Variants in TDP1 observed in about 807,000 individuals in gnomAD.
TDP1 encodes the protein tyrosyl-DNA phosphodiesterase 1, also known as tyr-DNA phosphodiesterase 1.
A neutral mutation model predicts 81.5 loss-of-function variants in TDP1; 64 were observed. The ratio of observed to expected loss-of-function variants is 0.79; its 90% CI spans 0.64 to 0.97. The LOEUF is 0.97. TDP1 is among the 50% of genes least tolerant of loss of function. TDP1 has a pLI of 0.00. For missense variants in TDP1, 723 were observed against 743.8 expected (o/e 0.97, Z 0.33); for synonymous variants, 256 against 264.3 (o/e 0.97, Z 0.30).
intron 10 of TDP1, chr14:89,988,657 A>C (rs1186926599): frequency 1.0e-6 from 1 of 980,886 alleles, no homozygotes; most frequent in East Asian, 1.1e-4. Flanking sequence ...TTTTGCTTTT[A>C]GTACAAATCA....
Position 90,043,072 on chromosome 14 carries a change from C to T in TDP1, c.1756C>T (p.Arg586Trp), listed in dbSNP as rs751645810. The T allele has an allele frequency of 4.2e-5, 68 of 1,614,044 alleles. No homozygotes were observed. The South Asian group carries it at 5.6e-4, about 13-fold the overall frequency. Residue 586 changes from arginine (R) to tryptophan (W), a missense_variant and splice_region_variant, in exon 17 of 17, where the codon CGG (arginine) becomes TGG (tryptophan). Arg to Trp is a moderately radical substitution (Grantham distance 101). Transcript: ENST00000335725. ...LPPELYGSKDRPWIWNIPYVK... is the reference protein window; with the variant it reads ...LPPELYGSKDWPWIWNIPYVK... ...TACGTAATGTGTTTTTCCCCCAGAT[C>T]GGCCATGGATATGGAACATTCCTTA...
Position 89,989,108 on chromosome 14 carries a change from T to C in TDP1, c.1317+18T>C, listed in dbSNP as rs200773983. On this transcript the variant is annotated intron_variant, in intron 11 of 16. Coordinates refer to ENST00000335725, the MANE Select transcript of TDP1 (RefSeq NM_018319.4). ...TTTACTTGGTGAGTTCTCGTCCTCA[T>C]TGAGGTAGTTTACTTTTATTCTCTA... The C allele has an allele frequency of 1.2e-6, 2 of 1,610,130 alleles. No homozygotes were observed. Among genetic ancestry groups the C allele is most frequent in the Admixed American group, 1.7e-5 (1 of 60,008 alleles).
rs1324935015 is a variant in TDP1 at position 89,956,689 on chromosome 14, G to A, written c.-119G>A. 1 of 152,250 alleles carries A rather than the reference G, an allele frequency of 6.6e-6. No individual in the cohort carries two copies. The highest frequency in any genetic ancestry group is 2.4e-5 in the African/African-American group (1 of 41,442). 9.4% of individuals were successfully genotyped at this position (152,250 alleles called of 1,614,324 possible). A position where few individuals can be genotyped will look rare whatever the true frequency, so the allele number is the denominator to read the frequency against. ...GAGGCGGCTGAATCACTTGAGGTTA[G>A]GAGTTTGAGATCAGCCCGGGCAACA... On this transcript the variant is annotated 5_prime_UTR_variant, in exon 2 of 17. Coordinates refer to ENST00000335725, the MANE Select transcript of TDP1 (RefSeq NM_018319.4).
chr14:90,021,896 G>C (rs1886132693), intron 15 of TDP1, among the ~76,000 whole-genome samples: 1 of 151,954 alleles, frequency 6.6e-6, no homozygotes, highest in Admixed American at 6.5e-5. Flanking sequence ...AAAAAACAGA[G>C]CCTGGAACAG....
chr14:90,007,473 C>T (rs1177676840), intron 14 of TDP1, among the ~76,000 whole-genome samples: 1 of 152,012 alleles, frequency 6.6e-6, no homozygotes, highest in East Asian at 1.9e-4. Context: ...CCTGTAATCC[C>T]AGCTACTCAG....
intron 5 of TDP1, 127 bp from the exon 6 acceptor site, chr14:89,971,048 C>A (rs1893574484): frequency 4.0e-6 from 3 of 746,236 alleles, no homozygotes; most frequent in Non-Finnish European, 6.9e-6. Flanking sequence ...GTTGGCCAGT[C>A]TGGTCTCGAA....
intron 3 of TDP1, among the ~76,000 whole-genome samples, chr14:89,965,569 T>G (rs1892845169): frequency 6.6e-6 from 1 of 152,166 alleles, no homozygotes; most frequent in Non-Finnish European, 1.5e-5. Context: ...GTTTGAGAAG[T>G]GAGCTTTCAA....
At chr14:89,989,367 C>G in intron 11 of TDP1, 1 of 985,292 alleles carries the variant, frequency 1.0e-6, no homozygotes, top group Non-Finnish European at 1.2e-6. Context: ...TCCTTTCTTT[C>G]AGGTTGTTGA....
At chr14:90,002,776 G>A (rs529538562) in intron 14 of TDP1, among the ~76,000 whole-genome samples, 4 of 151,818 alleles carry the variant, frequency 2.6e-5, no homozygotes, top group African/African-American at 9.7e-5. Flanking sequence ...AGGAGGCTGA[G>A]GTGGGAAGAT....
At chr14:90,033,654 A>C in intron 16 of TDP1, 1 of 235,016 alleles carries the variant, frequency 4.3e-6, no homozygotes, top group South Asian at 5.9e-5. Context: ...GAGACTACTA[A>C]AGTACTGTTT....
chr14:90,003,728 G>A (rs745573716), intron 14 of TDP1, among the ~76,000 whole-genome samples: 30 of 152,168 alleles, frequency 2.0e-4, no homozygotes, highest in Non-Finnish European at 2.5e-4. Flanking sequence ...CAGGCAATGC[G>A]GATAGTCAGG....
chr14:89,983,329 C>T (rs1895200477), intron 8 of TDP1: 1 of 326,578 alleles, frequency 3.1e-6, no homozygotes, highest in Admixed American at 4.3e-5. Context: ...GCCCTCATCA[C>T]ACCATGCTAC....
At chr14:90,013,183 A>G (rs1884918731) in intron 14 of TDP1, among the ~76,000 whole-genome samples, 1 of 152,222 alleles carries the variant, frequency 6.6e-6, no homozygotes, top group Non-Finnish European at 1.5e-5. Context: ...TAATGCCGAA[A>G]TGAGTTAAGA....
intron 14 of TDP1, among the ~76,000 whole-genome samples, chr14:89,994,124 CCAA>C (rs1485453679): frequency 6.6e-6 from 1 of 152,148 alleles, no homozygotes; most frequent in Non-Finnish European, 1.5e-5. Context: ...CAGGCTGAAC[CCAA>C]CGATTAGGCA....
Position 89,988,548 on chromosome 14 carries a change from A to G in TDP1, c.1132-357A>G, listed in dbSNP as rs968317497. The G allele has an allele frequency of 4.1e-6, 4 of 966,264 alleles. No individual in the cohort carries two copies. In the African/African-American group the frequency reaches 7.0e-5, roughly 17 times the overall value. The allele number at this position is 966,264 out of a possible 1,614,324, so 59.9% of individuals were successfully genotyped here. ...ACATATTTCATAGCATCAAAGCTGC[A>G]TTAAACACTTGTGATTTCAAGTAAA... On this transcript the variant is annotated intron_variant, in intron 10 of 16. Transcript: ENST00000335725.
At chr14:90,040,448 G>A (rs1295055604) in intron 16 of TDP1, among the ~76,000 whole-genome samples, 1 of 152,210 alleles carries the variant, frequency 6.6e-6, no homozygotes, top group Non-Finnish European at 1.5e-5. Context: ...AGGCTGCCCA[G>A]CGTTTCTCAT....
chr14:89,977,011 G>A (rs915607676), intron 7 of TDP1, among the ~76,000 whole-genome samples: 5 of 152,002 alleles, frequency 3.3e-5, no homozygotes, highest in South Asian at 2.1e-4. Context: ...AAAATTAGCC[G>A]GGCAGTAGTG....
rs73326413 is a variant in TDP1 at position 89,983,206 on chromosome 14, G to A, written c.885-1310G>A. ...TTGCAAGGGGAGGTCCTCCACGTCT[G>A]TCCAGCCCAACCTGGTCATTTTACA... On this transcript the variant is annotated intron_variant, in intron 8 of 16. Coordinates refer to ENST00000335725, the MANE Select transcript of TDP1 (RefSeq NM_018319.4). 1,250 of 452,670 alleles carry A rather than the reference G, an allele frequency of 2.8e-3. 10 individuals carry two copies. The highest frequency in any genetic ancestry group is 0.023 in the African/African-American group (1,152 of 49,952). 28.0% of individuals were successfully genotyped at this position (452,670 alleles called of 1,614,324 possible). A position where few individuals can be genotyped will look rare whatever the true frequency, so the allele number is the denominator to read the frequency against.
intron 14 of TDP1, among the ~76,000 whole-genome samples, chr14:90,005,041 A>G (rs1264583839): frequency 6.6e-6 from 1 of 152,216 alleles, no homozygotes; most frequent in African/African-American, 2.4e-5. Flanking sequence ...CAGCCTTCAC[A>G]CACTTTATAA....
Sources: allele counts gnomAD v4.1 joint callset (sites outside exome capture counted in the v4.1 genomes callset), GRCh38; gene constraint gnomAD v4.1.1; transcripts MANE v1.5; gene names NCBI Gene and HGNC (gene_info 2026-07-23, HGNC 2026-07-21).